Variants in LINGO2 observed in about 807,000 individuals in gnomAD.
LINGO2 encodes leucine-rich repeat and immunoglobulin-like domain-containing nogo receptor-interacting protein 2.
LINGO2 carries 14 observed loss-of-function variants against 30.6 expected under a neutral mutation model. That is an observed-to-expected ratio of 0.46 (90% CI 0.30 to 0.72). The LOEUF (loss-of-function observed/expected upper bound fraction) is 0.72. Among genes scored for constraint, LINGO2 ranks in the 30% least tolerant of loss-of-function variants. The pLI is 0.07. For synonymous variants in LINGO2, 317 were observed against 288.5 expected, an observed-to-expected ratio of 1.10 and a Z score of -1.00; for missense variants, 729 against 751.7, an observed-to-expected ratio of 0.97 and a Z score of 0.35.
chr9:29,116,496 A>G, the LINGO2 span, among the ~76,000 whole-genome samples: 2 of 152,096 alleles, frequency 1.3e-5, no homozygotes, highest in Non-Finnish European at 2.9e-5. Flanking sequence ...TGCAAACAAC[A>G]TCCTTATTTC....
chr9:29,132,610 C>A, the LINGO2 span, among the ~76,000 whole-genome samples: 1 of 152,148 alleles, frequency 6.6e-6, no homozygotes, highest in African/African-American at 2.4e-5. Context: ...AGCCTTCCCC[C>A]ACTCTGTGGA....
intron 1 of LINGO2, among the ~76,000 whole-genome samples, chr9:28,645,717 A>G (rs190969944): frequency 5.3e-5 from 8 of 152,272 alleles, no homozygotes; most frequent in Admixed American, 2.0e-4. Context: ...TTTATTTTTA[A>G]TAAGACCTTG....
chr9:28,496,926 T>A (rs1434855581), intron 1 of LINGO2, among the ~76,000 whole-genome samples: 2 of 152,166 alleles, frequency 1.3e-5, no homozygotes, highest in African/African-American at 4.8e-5. Flanking sequence ...GAAGCTTAGT[T>A]TGGCTGGATA....
the LINGO2 span, among the ~76,000 whole-genome samples, chr9:28,983,318 C>CAAAAAAAAAAAAAAA: frequency 3.8e-5 from 5 of 130,980 alleles, no homozygotes; most frequent in African/African-American, 5.7e-5. Context: ...ATGAGGTATC[C>CAAAAAAAAAAAAAAA]AAAAAAAAAA....
intron 2 of LINGO2, among the ~76,000 whole-genome samples, chr9:28,427,141 C>T (rs1332228612): frequency 6.6e-6 from 1 of 152,060 alleles, no homozygotes; most frequent in African/African-American, 2.4e-5. Flanking sequence ...CGCACATGAG[C>T]ACTTCCCATG....
intron 3 of LINGO2, among the ~76,000 whole-genome samples, chr9:28,311,685 T>C (rs1443293687): frequency 6.6e-6 from 1 of 152,206 alleles, no homozygotes; most frequent in African/African-American, 2.4e-5. Flanking sequence ...TGAACAATGC[T>C]GTTATCCTGT....
At chr9:28,981,208 A>G in the LINGO2 span, among the ~76,000 whole-genome samples, 2 of 152,092 alleles carry the variant, frequency 1.3e-5, no homozygotes, top group African/African-American at 4.8e-5. Flanking sequence ...GAACCCTAAG[A>G]GCAATATAGT....
chr9:28,853,082 G>T, the LINGO2 span, among the ~76,000 whole-genome samples: 1 of 151,964 alleles, frequency 6.6e-6, no homozygotes, highest in Admixed American at 6.6e-5. Context: ...TTTTATTCCT[G>T]TGTTTATTTC....
At chr9:28,012,328 GGA>G (rs1222293010) in intron 5 of LINGO2, 5 of 151,992 alleles carry the variant, frequency 3.3e-5, no homozygotes, top group African/African-American at 1.2e-4. Context: ...GCGAGAGAAT[GGA>G]GAGTTTAAAA....
intron 5 of LINGO2, among the ~76,000 whole-genome samples, chr9:27,976,691 G>A (rs1230253816): frequency 2.6e-5 from 4 of 151,796 alleles, no homozygotes; most frequent in Non-Finnish European, 5.9e-5. Flanking sequence ...TATACCATAC[G>A]GCCTAATATT....
intron 4 of LINGO2, among the ~76,000 whole-genome samples, chr9:28,029,743 T>C (rs767340626): frequency 2.0e-5 from 3 of 152,214 alleles, no homozygotes; most frequent in Non-Finnish European, 4.4e-5. Flanking sequence ...ATAAATATCA[T>C]AGGGTGCTGA....
intron 4 of LINGO2, among the ~76,000 whole-genome samples, chr9:28,211,776 C>A (rs1006648861): frequency 6.6e-6 from 1 of 151,400 alleles, no homozygotes; most frequent in Non-Finnish European, 1.5e-5. Context: ...AATGCATATT[C>A]CTCAAATATT....
intron 4 of LINGO2, among the ~76,000 whole-genome samples, chr9:28,248,000 C>T (rs954758665): frequency 6.6e-6 from 1 of 152,182 alleles, no homozygotes; most frequent in Non-Finnish European, 1.5e-5. Context: ...CCCTCATACA[C>T]TGTTGGTTGG....
chr9:28,175,347 C>T (rs750093379), intron 4 of LINGO2, among the ~76,000 whole-genome samples: 47 of 152,102 alleles, frequency 3.1e-4, no homozygotes, highest in Non-Finnish European at 5.0e-4. Context: ...TGTGTCTGAC[C>T]GCAACTCTCT....
At chr9:28,433,886 T>C (rs1823784146) in intron 2 of LINGO2, among the ~76,000 whole-genome samples, 1 of 149,826 alleles carries the variant, frequency 6.7e-6, no homozygotes, top group African/African-American at 2.5e-5. Context: ...CAAGTGCCCA[T>C]CAACCAATGA....
At chr9:28,923,090 G>C in the LINGO2 span, among the ~76,000 whole-genome samples, 6 of 152,112 alleles carry the variant, frequency 3.9e-5, no homozygotes, top group Non-Finnish European at 5.9e-5. Context: ...AGAAATGAAA[G>C]GAAATGGATT....
chr9:28,632,390 T>C (rs1439734542), intron 1 of LINGO2, among the ~76,000 whole-genome samples: 1 of 151,722 alleles, frequency 6.6e-6, no homozygotes, highest in Non-Finnish European at 1.5e-5. Flanking sequence ...TCCAAGGTTA[T>C]ACCTACCCAG....
chr9:28,150,324 T>C (rs1407953735), intron 4 of LINGO2, among the ~76,000 whole-genome samples: 1 of 152,184 alleles, frequency 6.6e-6, no homozygotes, highest in African/African-American at 2.4e-5. Flanking sequence ...CTTTCTGCCC[T>C]CCCCAAGTTT....
intron 4 of LINGO2, among the ~76,000 whole-genome samples, chr9:28,208,323 T>G (rs1820479938): frequency 6.6e-6 from 1 of 152,062 alleles, no homozygotes. Flanking sequence ...GCAACTGAAT[T>G]TATAGACACA....
Sources: gnomAD v4.1 joint callset for allele counts (sites outside exome capture counted in the v4.1 genomes callset) on GRCh38, gnomAD v4.1.1 for gene constraint, MANE v1.5 for transcripts, NCBI Gene and HGNC (gene_info 2026-07-23, HGNC 2026-07-21) for gene names.